CSMD1: variants seen among roughly 807,000 people sequenced by gnomAD.
CSMD1 encodes CUB and Sushi multiple domains 1.
In CSMD1, 213 loss-of-function variants were observed where a neutral mutation model predicts 417.5. The observed-to-expected ratio is 0.51, with a 90% CI of 0.46 to 0.57. CSMD1 has a LOEUF of 0.57. Ranked by LOEUF, CSMD1 falls within the 20% of genes least tolerant of loss-of-function variation. CSMD1 has a pLI of 0.00. For missense variants in CSMD1, 6,923 were observed against 4,529.7 expected (o/e 1.53, Z -15.17); for synonymous variants, 2,862 against 1,736.8 (o/e 1.65, Z -16.11).
intron 1 of CSMD1, among the ~76,000 whole-genome samples, chr8:4,903,847 C>G (rs1805060722): frequency 1.3e-5 from 2 of 152,158 alleles, no homozygotes; most frequent in African/African-American, 4.8e-5. Context: ...ACTTCCCATC[C>G]CTTGATTTAA....
chr8:3,094,430 T>A (rs1036408833), intron 47 of CSMD1, among the ~76,000 whole-genome samples: 1 of 152,212 alleles, frequency 6.6e-6, no homozygotes, highest in African/African-American at 2.4e-5. Context: ...TAATCCAGCA[T>A]CTGAACCCTC....
chr8:3,839,085 T>C (rs1002666073), intron 5 of CSMD1, among the ~76,000 whole-genome samples: 1 of 117,108 alleles, frequency 8.5e-6, no homozygotes, highest in African/African-American at 3.1e-5. Flanking sequence ...CTAGGCTATA[T>C]ATAATATAAT....
intron 3 of CSMD1, among the ~76,000 whole-genome samples, chr8:4,260,966 T>C (rs1803839253): frequency 6.6e-6 from 1 of 151,576 alleles, no homozygotes; most frequent in Non-Finnish European, 1.5e-5. Context: ...TTACTCTCAT[T>C]GACTTGCCTC....
rs112623336 is a variant in CSMD1 at position 4,113,486 on chromosome 8, C to T, written c.416-81387G>A. Among the ~76,000 whole-genome samples, 812 of 145,374 alleles carry T rather than the reference C, an allele frequency of 5.6e-3. 6 individuals are homozygous for T. The highest frequency in any genetic ancestry group is 0.012 in the Middle Eastern group (3 of 256). On this transcript the variant is annotated intron_variant, in intron 3 of 69. Transcript: ENST00000635120. ...ATGGTGCAATCTTGGCTCACTGCAA[C>T]CTCTGCCTCCCAGGTTCAAGCAATT...
At chr8:4,008,456 A>T (rs1245045874) in intron 4 of CSMD1, among the ~76,000 whole-genome samples, 1 of 151,872 alleles carries the variant, frequency 6.6e-6, no homozygotes, top group Admixed American at 6.6e-5. Flanking sequence ...ACAGAATTAA[A>T]TAAATGCTAT....
chr8:3,055,703 TC>T (rs1356861342), intron 49 of CSMD1, among the ~76,000 whole-genome samples: 6 of 152,328 alleles, frequency 3.9e-5, no homozygotes, highest in Non-Finnish European at 7.3e-5. Context: ...AGTTGTTTTT[TC>T]TTTAGTTGTA....
chr8:4,616,340 A>T (rs796406513), intron 2 of CSMD1, among the ~76,000 whole-genome samples: 2 of 152,214 alleles, frequency 1.3e-5, no homozygotes, highest in Non-Finnish European at 1.5e-5. Flanking sequence ...CACCTACCTG[A>T]GTCCTTCTCA....
chr8:4,672,771 A>G (rs1367333290), intron 1 of CSMD1, among the ~76,000 whole-genome samples: 1 of 152,278 alleles, frequency 6.6e-6, no homozygotes, highest in Non-Finnish European at 1.5e-5. Context: ...ACATGCATAC[A>G]TGGTGACATG....
chr8:4,776,807 T>C (rs1217672112), intron 1 of CSMD1, among the ~76,000 whole-genome samples: 1 of 151,948 alleles, frequency 6.6e-6, no homozygotes, highest in Non-Finnish European at 1.5e-5. Context: ...AGCCAGACGA[T>C]TTAAATTTTA....
rs571285059 is a variant in CSMD1 at position 3,712,484 on chromosome 8, G to C, written c.932-3993C>G. On this transcript the variant is annotated intron_variant, in intron 6 of 69. Transcript: ENST00000635120. ...TAGAGCTGCAGGAATGCAGGAGAAA[G>C]GTAAGTCACCTATGGCAAATCCCTG... 1.4e-4 allele frequency among the ~76,000 whole-genome samples: 21 copies of C among 152,110 alleles called. No homozygotes were observed. The South Asian group carries it at 3.5e-3, about 26-fold the overall frequency.
At chr8:4,238,452 C>T (rs539765548) in intron 3 of CSMD1, among the ~76,000 whole-genome samples, 2 of 152,208 alleles carry the variant, frequency 1.3e-5, no homozygotes, top group African/African-American at 2.4e-5. Context: ...CCCTCATGGA[C>T]AAAGATGGGA....
chr8:4,832,272 G>A (rs959927224), intron 1 of CSMD1, among the ~76,000 whole-genome samples: 1 of 152,156 alleles, frequency 6.6e-6, no homozygotes, highest in African/African-American at 2.4e-5. Flanking sequence ...TGTGATTCTA[G>A]TTCTTCCTGA....
At chr8:3,364,656 GCTT>G (rs1809435606) in intron 20 of CSMD1, among the ~76,000 whole-genome samples, 1 of 152,088 alleles carries the variant, frequency 6.6e-6, no homozygotes, top group African/African-American at 2.4e-5. Context: ...CATTAAAAGG[GCTT>G]CTTCTCTTTT....
chr8:4,554,205 C>T (rs1360479810), intron 2 of CSMD1, among the ~76,000 whole-genome samples: 4 of 152,084 alleles, frequency 2.6e-5, no homozygotes, highest in East Asian at 1.9e-4. Context: ...GGAGAAATCT[C>T]GGCTCACTGC....
At chr8:3,149,246 T>A (rs1158273505) in intron 40 of CSMD1, among the ~76,000 whole-genome samples, 1 of 152,158 alleles carries the variant, frequency 6.6e-6, no homozygotes, top group Non-Finnish European at 1.5e-5. Context: ...TTCTCAGAAA[T>A]GATAAAATAG....
intron 22 of CSMD1, among the ~76,000 whole-genome samples, chr8:3,344,099 G>A (rs1039321126): frequency 2.0e-5 from 3 of 152,180 alleles, no homozygotes; most frequent in South Asian, 2.1e-4. Flanking sequence ...GATGTAATAA[G>A]TATACGGAAG....
intron 3 of CSMD1, among the ~76,000 whole-genome samples, chr8:4,317,053 C>G (rs1358933484): frequency 6.6e-6 from 1 of 152,142 alleles, no homozygotes; most frequent in African/African-American, 2.4e-5. Context: ...TGAAAACATA[C>G]AAGCCCTGTG....
At chr8:4,703,050 T>C (rs1351195846) in intron 1 of CSMD1, among the ~76,000 whole-genome samples, 1 of 152,180 alleles carries the variant, frequency 6.6e-6, no homozygotes, top group Non-Finnish European at 1.5e-5. Context: ...TGTTCACAGT[T>C]TAGGGTTAAG....
intron 1 of CSMD1, among the ~76,000 whole-genome samples, chr8:4,797,476 G>A (rs963515877): frequency 4.6e-5 from 7 of 152,060 alleles, no homozygotes; most frequent in African/African-American, 1.4e-4. Context: ...TTATGTTGGC[G>A]CAAAAGTCAT....
Sources: allele counts gnomAD v4.1 joint callset (sites outside exome capture counted in the v4.1 genomes callset), GRCh38; gene constraint gnomAD v4.1.1; transcripts MANE v1.5; gene names NCBI Gene and HGNC (gene_info 2026-07-23, HGNC 2026-07-21).